The following PHACTR4 variants were observed in gnomAD, a reference collection of about 807,000 sequenced individuals.
PHACTR4 encodes protein phosphatase 1, regulatory subunit 124.
Under a neutral mutation model 72.7 loss-of-function variants are expected in PHACTR4, and 51 were observed. The ratio of observed to expected loss-of-function variants is 0.70; its 90% CI spans 0.56 to 0.89. PHACTR4 has a LOEUF of 0.89. Ranked by LOEUF, PHACTR4 falls within the 40% of genes least tolerant of loss-of-function variation. The pLI, the probability that PHACTR4 is intolerant of heterozygous loss-of-function variation, is 0.00. For synonymous variants in PHACTR4, 255 were observed against 302.5 expected, an observed-to-expected ratio of 0.84 and a Z score of 1.63; for missense variants, 731 against 861.8, an observed-to-expected ratio of 0.85 and a Z score of 1.90.
At chr1:28,469,872 A>G (rs1262240976) in intron 6 of PHACTR4, among the ~76,000 whole-genome samples, 2 of 148,968 alleles carry the variant, frequency 1.3e-5, no homozygotes, top group Non-Finnish European at 3.0e-5. Context: ...CCTGGGCAAC[A>G]TGGTGAAACC....
At chr1:28,460,863 C>T (rs949787938) in intron 4 of PHACTR4, among the ~76,000 whole-genome samples, 17 of 151,830 alleles carry the variant, frequency 1.1e-4, no homozygotes, top group African/African-American at 3.4e-4. Flanking sequence ...AGGCTGGTCT[C>T]GAACTCCTGA....
At chr1:28,410,745 C>T (rs1421390763) in intron 2 of PHACTR4, among the ~76,000 whole-genome samples, 1 of 151,916 alleles carries the variant, frequency 6.6e-6, no homozygotes, top group African/African-American at 2.4e-5. Flanking sequence ...TTGCTCTTGT[C>T]GCCAAGGCTG....
At chr1:28,395,601 ATATT>A (rs1302435548) in intron 1 of PHACTR4, among the ~76,000 whole-genome samples, 3 of 150,952 alleles carry the variant, frequency 2.0e-5, no homozygotes, top group East Asian at 3.9e-4. Context: ...TACATATTGA[ATATT>A]TGTGCTTAAA....
At chr1:28,414,926 G>C (rs553585656) in intron 2 of PHACTR4, among the ~76,000 whole-genome samples, 2 of 152,104 alleles carry the variant, frequency 1.3e-5, no homozygotes, top group African/African-American at 4.8e-5. Flanking sequence ...TACAATGAAT[G>C]TATTACTTGT....
chr1:28,455,198 CTTTTT>C (rs139479738), intron 2 of PHACTR4, among the ~76,000 whole-genome samples: 1 of 85,974 alleles, frequency 1.2e-5, no homozygotes, highest in Admixed American at 1.3e-4. Flanking sequence ...TTCTTTCTTT[CTTTTT>C]TTTTTTTTTT....
chr1:28,400,072 G>A (rs1019072515), intron 1 of PHACTR4, among the ~76,000 whole-genome samples: 3 of 152,116 alleles, frequency 2.0e-5, no homozygotes, highest in Non-Finnish European at 4.4e-5. Flanking sequence ...CTTATAGGCC[G>A]TGGTAAGAAA....
At chr1:28,489,447 T>C (rs1294533473) in intron 10 of PHACTR4, among the ~76,000 whole-genome samples, 2 of 152,212 alleles carry the variant, frequency 1.3e-5, no homozygotes, top group African/African-American at 4.8e-5. Context: ...TCTAGAAAGC[T>C]TTGTTTCAGT....
intron 2 of PHACTR4, 141 bp downstream of exon 2, chr1:28,407,604 T>C (rs1654449237): frequency 3.5e-6 from 2 of 564,542 alleles, no homozygotes; most frequent in Non-Finnish European, 3.0e-6. Context: ...TTTTTGCTTC[T>C]ATAAGAATTC....
intron 2 of PHACTR4, among the ~76,000 whole-genome samples, chr1:28,409,124 C>CTTTT (rs564622352): frequency 3.8e-5 from 5 of 133,082 alleles, no homozygotes; most frequent in Non-Finnish European, 6.5e-5. Context: ...TTCTTTCTTT[C>CTTTT]TTTTTTTTTT....
chr1:28,480,806 A>T (rs1460813725), intron 9 of PHACTR4, among the ~76,000 whole-genome samples: 1 of 151,674 alleles, frequency 6.6e-6, no homozygotes, highest in Admixed American at 6.6e-5. Flanking sequence ...CTCCTGCATC[A>T]GTCTCCTGAG....
In PHACTR4 at chr1:28,407,474, C is replaced by T. The variant is rs774985635; in HGVS notation, c.16+11C>T. On this transcript the variant is annotated intron_variant, in intron 2 of 13. Transcript: ENST00000373839. ...TGGAAGATCCATTTGGTGAGTATCA[C>T]CTACATTGTTCTTAGTAAATGACAT... 2 of 1,601,938 alleles carry T rather than the reference C, an allele frequency of 1.2e-6. No homozygotes were observed. Among genetic ancestry groups the T allele is most frequent in the Non-Finnish European group, 1.7e-6 (2 of 1,170,342 alleles).
At chr1:28,426,824 A>G (rs1655896692) in intron 2 of PHACTR4, among the ~76,000 whole-genome samples, 2 of 152,032 alleles carry the variant, frequency 1.3e-5, no homozygotes, top group Admixed American at 6.5e-5. Context: ...CTGGGATTAC[A>G]GTAATGAACC....
chr1:28,444,679 G>A lies in PHACTR4; in HGVS notation c.17-14406G>A, dbSNP rs534090781. 8.6e-3 allele frequency among the ~76,000 whole-genome samples: 1,289 copies of A among 149,884 alleles called. 11 individuals carry two copies. The highest frequency in any genetic ancestry group is 0.022 in the Middle Eastern group (6 of 278). On this transcript the variant is annotated intron_variant, in intron 2 of 13. Coordinates refer to ENST00000373839, the MANE Select transcript of PHACTR4 (RefSeq NM_001048183.3). ...TGGCCAGGCTGGAGTGCAGTGGCGCGATCTCGGCTCACTGCAAGCTCCACC... is the reference window on the plus strand; with the variant it reads ...TGGCCAGGCTGGAGTGCAGTGGCGCAATCTCGGCTCACTGCAAGCTCCACC...
intron 2 of PHACTR4, among the ~76,000 whole-genome samples, chr1:28,414,484 TCTCCCAC>T: frequency 7.0e-6 from 1 of 143,108 alleles, no homozygotes. Context: ...CTCAAACAAT[TCTCCCAC>T]CTCTGCCTCC....
chr1:28,495,509 G>T (rs1661288796), intron 13 of PHACTR4, among the ~76,000 whole-genome samples: 1 of 152,026 alleles, frequency 6.6e-6, no homozygotes, highest in Admixed American at 6.6e-5. Flanking sequence ...ATACCTAGAA[G>T]ACCATTAGAT....
intron 2 of PHACTR4, among the ~76,000 whole-genome samples, chr1:28,439,048 A>G (rs985175529): frequency 7.9e-5 from 12 of 152,156 alleles, no homozygotes; most frequent in Admixed American, 1.3e-4. Context: ...CAAATCTTCT[A>G]TGTGAAATGG....
At chr1:28,450,823 G>C (rs1657892721) in intron 2 of PHACTR4, among the ~76,000 whole-genome samples, 1 of 150,900 alleles carries the variant, frequency 6.6e-6, no homozygotes, top group South Asian at 2.1e-4. Flanking sequence ...GTTTTGTTTT[G>C]TTTTTGAGAG....
chr1:28,453,585 C>A, intron 2 of PHACTR4: 3 of 913,648 alleles, frequency 3.3e-6, no homozygotes, highest in Non-Finnish European at 5.0e-6. Flanking sequence ...AGAGGCAGCA[C>A]AGTGGATGCA....
At chr1:28,488,373 T>A (rs1187384457) in intron 9 of PHACTR4, among the ~76,000 whole-genome samples, 1 of 152,156 alleles carries the variant, frequency 6.6e-6, no homozygotes, top group Non-Finnish European at 1.5e-5. Flanking sequence ...GGCAGGCGCC[T>A]GTAGTCCCAG....
Sources: allele counts gnomAD v4.1 joint callset (sites outside exome capture counted in the v4.1 genomes callset), GRCh38; gene constraint gnomAD v4.1.1; transcripts MANE v1.5; gene names NCBI Gene and HGNC (gene_info 2026-07-23, HGNC 2026-07-21).